PTPRD: variants seen among roughly 807,000 people sequenced by gnomAD.
The protein encoded by PTPRD is receptor-type tyrosine-protein phosphatase delta.
Under a neutral mutation model 214.5 loss-of-function variants are expected in PTPRD, and 34 were observed. The observed-to-expected ratio is 0.16, with a 90% CI of 0.12 to 0.21. PTPRD has a LOEUF of 0.21. Among genes scored for constraint, PTPRD ranks in the 10% least tolerant of loss-of-function variants. The probability of loss-of-function intolerance (pLI) is 1.00; values close to 1 mark genes in which losing one functional copy is unlikely to be tolerated. For synonymous variants in PTPRD, 1,128 were observed against 845.7 expected, an observed-to-expected ratio of 1.33 and a Z score of -5.79; for missense variants, 2,545 against 2,398.7, an observed-to-expected ratio of 1.06 and a Z score of -1.27.
At chr9:8,787,286 C>G (rs2096022456) in intron 11 of PTPRD, among the ~76,000 whole-genome samples, 1 of 152,322 alleles carries the variant, frequency 6.6e-6, no homozygotes, top group Admixed American at 6.5e-5. Context: ...CTTTACTCAG[C>G]TTCTAGTTAC....
chr9:10,394,272 A>G (rs983775277), intron 2 of PTPRD, among the ~76,000 whole-genome samples: 1 of 148,052 alleles, frequency 6.8e-6, no homozygotes, highest in African/African-American at 2.4e-5. Context: ...TGTCTTATAT[A>G]AGTAAAATTC....
intron 3 of PTPRD, among the ~76,000 whole-genome samples, chr9:10,277,585 T>C (rs2094786236): frequency 6.6e-6 from 1 of 152,084 alleles, no homozygotes. Context: ...GAAAATTCAA[T>C]AAATACTGGC....
rs181720403 is a variant in PTPRD, at chr9:8,377,373, T to C, written c.4387-647A>G. 2.5e-3 allele frequency among the ~76,000 whole-genome samples: 382 copies of C among 152,176 alleles called. 2 individuals carry two copies. In the Middle Eastern group the frequency reaches 0.027, roughly 11 times the overall value. Reference sequence around the variant, plus strand: ...CAAAGTTTAAATAATTTAAAATTCATCCAAGATGAATAATCTACAATTTCT... The same window carrying C: ...CAAAGTTTAAATAATTTAAAATTCACCCAAGATGAATAATCTACAATTTCT... On this transcript the variant is annotated intron_variant, in intron 37 of 45. Transcript: ENST00000381196.
intron 9 of PTPRD, among the ~76,000 whole-genome samples, chr9:9,208,422 G>C (rs1282217422): frequency 6.6e-6 from 1 of 151,954 alleles, no homozygotes; most frequent in Non-Finnish European, 1.5e-5. Context: ...ATAAATAAAT[G>C]AAAGTTAAGA....
In PTPRD at chr9:9,760,604, AC is replaced by A. The variant is rs1295471748; in HGVS notation, c.-326+6205del. On this transcript the variant is annotated intron_variant, in intron 6 of 45. Coordinates refer to ENST00000381196, the MANE Select transcript of PTPRD (RefSeq NM_002839.4). Reference sequence around the variant, plus strand: ...TCATCTTTACTCAGCTATCATACACACACACACACACACACACACACACACA... The same window carrying A: ...TCATCTTTACTCAGCTATCATACACAACACACACACACACACACACACACA... Among the ~76,000 whole-genome samples, 11 of 22,104 alleles carry A rather than the reference AC, an allele frequency of 5.0e-4. No homozygotes were observed. In the African/African-American group the frequency reaches 7.8e-3, roughly 16 times the overall value. 14.5% of individuals were successfully genotyped at this position (22,104 alleles called of 152,430 possible).
chr9:8,890,578 T>G (rs1316607787), intron 11 of PTPRD, among the ~76,000 whole-genome samples: 2 of 152,240 alleles, frequency 1.3e-5, no homozygotes, highest in Non-Finnish European at 2.9e-5. Flanking sequence ...GACCTTTGCA[T>G]GGAAAGATCT....
At chr9:9,248,675 C>A (rs2099974101) in intron 9 of PTPRD, among the ~76,000 whole-genome samples, 2 of 152,024 alleles carry the variant, frequency 1.3e-5, no homozygotes, top group Non-Finnish European at 2.9e-5. Context: ...ATTATACATA[C>A]AGTCTAGCTA....
At chr9:8,502,969 T>C (rs2137120973) in intron 23 of PTPRD, among the ~76,000 whole-genome samples, 1 of 152,062 alleles carries the variant, frequency 6.6e-6, no homozygotes, top group Non-Finnish European at 1.5e-5. Context: ...TTAGAAATTA[T>C]CTTCTACAAT....
intron 5 of PTPRD, among the ~76,000 whole-genome samples, chr9:9,853,559 G>T (rs560959926): frequency 1.7e-4 from 26 of 150,680 alleles, no homozygotes; most frequent in African/African-American, 3.2e-4. Flanking sequence ...TTGTTTTTTG[G>T]TTTTTTTTTA....
chr9:8,316,930 C>G lies in PTPRD; in HGVS notation c.*944G>C. ...TAACTGTATCTATTTTTTGTGTGGACACACTGTCTATATATACATAGACAC... is the reference window on the plus strand; with the variant it reads ...TAACTGTATCTATTTTTTGTGTGGAGACACTGTCTATATATACATAGACAC... On this transcript the variant is annotated 3_prime_UTR_variant, in exon 46 of 46. Transcript: ENST00000381196. 4.3e-6 allele frequency: 1 copy of G among 231,358 alleles called. No homozygotes were observed. Among genetic ancestry groups the G allele is most frequent in the East Asian group, 6.1e-5 (1 of 16,288 alleles). The allele number at this position is 231,358 out of a possible 1,614,324, so 14.3% of individuals were successfully genotyped here.
At chr9:9,765,343 T>C (rs1645272672) in intron 6 of PTPRD, among the ~76,000 whole-genome samples, 1 of 152,152 alleles carries the variant, frequency 6.6e-6, no homozygotes, top group African/African-American at 2.4e-5. Flanking sequence ...TCCCCAAGCA[T>C]TACGTTTGCA....
intron 14 of PTPRD, among the ~76,000 whole-genome samples, chr9:8,593,321 T>C (rs953078038): frequency 5.3e-5 from 8 of 152,220 alleles, no homozygotes; most frequent in African/African-American, 1.7e-4. Context: ...AATATATCTA[T>C]GGTCTCCCTG....
intron 3 of PTPRD, among the ~76,000 whole-genome samples, chr9:10,231,153 C>T (rs1048115195): frequency 2.0e-5 from 3 of 151,938 alleles, no homozygotes; most frequent in African/African-American, 7.2e-5. Context: ...CCAGAAGTAA[C>T]AGTTGACTCC....
intron 30 of PTPRD, among the ~76,000 whole-genome samples, chr9:8,480,093 A>C (rs534183923): frequency 5.3e-5 from 8 of 152,228 alleles, no homozygotes; most frequent in Non-Finnish European, 1.2e-4. Flanking sequence ...AATCTCAGTC[A>C]TCTTTCTATT....
At chr9:8,549,745 T>C (rs1451299137) in intron 14 of PTPRD, among the ~76,000 whole-genome samples, 1 of 152,148 alleles carries the variant, frequency 6.6e-6, no homozygotes, top group Non-Finnish European at 1.5e-5. Context: ...ATTATTCAAA[T>C]TGTAAATTAT....
intron 2 of PTPRD, among the ~76,000 whole-genome samples, chr9:10,400,278 C>T (rs2098248234): frequency 6.6e-6 from 1 of 151,732 alleles, no homozygotes; most frequent in Non-Finnish European, 1.5e-5. Context: ...TAAGTATTTA[C>T]AACAGAGAAA....
intron 14 of PTPRD, among the ~76,000 whole-genome samples, chr9:8,548,585 C>T (rs923744938): frequency 3.4e-5 from 5 of 148,382 alleles, no homozygotes; most frequent in African/African-American, 9.8e-5. Flanking sequence ...CTAGGCTGTT[C>T]TCGAACTCCT....
intron 12 of PTPRD, among the ~76,000 whole-genome samples, chr9:8,687,057 T>A (rs2154377796): frequency 6.6e-6 from 1 of 152,352 alleles, no homozygotes; most frequent in African/African-American, 2.4e-5. Context: ...CTGGGAGACC[T>A]TTCATACCAT....
chr9:8,472,622 T>A (rs998342889), intron 30 of PTPRD, among the ~76,000 whole-genome samples: 2 of 152,158 alleles, frequency 1.3e-5, no homozygotes, highest in African/African-American at 2.4e-5. Context: ...TTTCAAAGAC[T>A]TAGCATTAAA....
Sources: allele counts gnomAD v4.1 joint callset (sites outside exome capture counted in the v4.1 genomes callset), GRCh38; gene constraint gnomAD v4.1.1; transcripts MANE v1.5; gene names NCBI Gene and HGNC (gene_info 2026-07-23, HGNC 2026-07-21).